The following HHAT variants were observed in gnomAD, a reference collection of about 807,000 sequenced individuals.
The protein encoded by HHAT is protein-cysteine N-palmitoyltransferase HHAT.
Under a neutral mutation model 70.8 loss-of-function variants are expected in HHAT, and 47 were observed. The ratio of observed to expected loss-of-function variants is 0.66; its 90% CI spans 0.53 to 0.85. The LOEUF (loss-of-function observed/expected upper bound fraction) is 0.85, where lower values mean the gene tolerates loss of function less well. HHAT is among the 40% of genes least tolerant of loss of function. The pLI, the probability that HHAT is intolerant of heterozygous loss-of-function variation, is 0.00. For missense variants in HHAT, 609 were observed against 604.8 expected, an observed-to-expected ratio of 1.01 and a Z score of -0.07; for synonymous variants, 228 against 247.6, an observed-to-expected ratio of 0.92 and a Z score of 0.74.
chr1:210,403,894 C>CG (rs1305797969), intron 5 of HHAT, among the ~76,000 whole-genome samples: 2 of 147,966 alleles, frequency 1.4e-5, no homozygotes, highest in Non-Finnish European at 3.0e-5. Flanking sequence ...TACACATCTA[C>CG]GTCCTGTATG....
Position 210,453,129 on chromosome 1 carries a change from T to C in HHAT, c.857-11376T>C, listed in dbSNP as rs550011740. On this transcript the variant is annotated intron_variant, in intron 7 of 11. Coordinates refer to ENST00000261458, the MANE Select transcript of HHAT (RefSeq NM_018194.6). ...CAACATAACAGTGAGAGGAAAGGGA[T>C]AAGACATTTGACGTCTGATCCTTGT... 3.3e-5 allele frequency among the ~76,000 whole-genome samples: 5 copies of C among 152,288 alleles called. No individual in the cohort carries two copies. In the South Asian group the frequency reaches 1.0e-3, roughly 32 times the overall value.
chr1:210,329,353 C>G, intron 1 of HHAT: 1 of 1,194,652 alleles, frequency 8.4e-7, no homozygotes, highest in Non-Finnish European at 1.0e-6. Flanking sequence ...CCGCGCACGG[C>G]CCTGCCCACG....
At chr1:210,381,213 A>G (rs1250941066) in intron 3 of HHAT, among the ~76,000 whole-genome samples, 2 of 152,060 alleles carry the variant, frequency 1.3e-5, no homozygotes, top group African/African-American at 2.4e-5. Flanking sequence ...GAAGCAGCAT[A>G]TACTAGATGC....
chr1:210,436,986 G>C (rs2093392369), intron 7 of HHAT, among the ~76,000 whole-genome samples: 2 of 151,874 alleles, frequency 1.3e-5, no homozygotes, highest in Non-Finnish European at 2.9e-5. Context: ...ACATCACAGA[G>C]TTTCAGGGAT....
At chr1:210,541,020 T>C (rs2095425321) in intron 9 of HHAT, among the ~76,000 whole-genome samples, 1 of 152,232 alleles carries the variant, frequency 6.6e-6, no homozygotes, top group African/African-American at 2.4e-5. Flanking sequence ...TTTTGTATTT[T>C]AGTAGAGACG....
At chr1:210,549,392 G>T (rs1423657125) in intron 9 of HHAT, among the ~76,000 whole-genome samples, 1 of 148,568 alleles carries the variant, frequency 6.7e-6, no homozygotes, top group South Asian at 2.2e-4. Flanking sequence ...GGTATTGTGG[G>T]GAGGTTTATA....
chr1:210,410,411 A>G (rs188260574), intron 6 of HHAT, among the ~76,000 whole-genome samples: 59 of 150,726 alleles, frequency 3.9e-4, no homozygotes, highest in African/African-American at 1.4e-3. Context: ...GGACTGTAAT[A>G]ATGATATGAC....
intron 10 of HHAT, among the ~76,000 whole-genome samples, chr1:210,597,888 A>G (rs535979340): frequency 3.3e-4 from 50 of 151,692 alleles, no homozygotes; most frequent in Non-Finnish European, 6.3e-4. Context: ...TCTTTTTTCA[A>G]GCAGAAGGAG....
intron 9 of HHAT, among the ~76,000 whole-genome samples, chr1:210,528,615 A>G (rs966074800): frequency 2.0e-4 from 30 of 152,270 alleles, no homozygotes; most frequent in South Asian, 2.1e-4. Context: ...TAGCAAATGC[A>G]TAGTATAGCC....
At chr1:210,548,145 C>A (rs191698981) in intron 9 of HHAT, among the ~76,000 whole-genome samples, 3 of 152,294 alleles carry the variant, frequency 2.0e-5, no homozygotes, top group African/African-American at 7.2e-5. Flanking sequence ...CATTTCTGTT[C>A]TGCTGTCAGT....
intron 8 of HHAT, among the ~76,000 whole-genome samples, chr1:210,498,362 G>T (rs1201004452): frequency 6.6e-6 from 1 of 152,094 alleles, no homozygotes; most frequent in African/African-American, 2.4e-5. Context: ...CTTGAATTAA[G>T]ATTGATTTTT....
At chr1:210,628,685 C>T (rs1670299936) in intron 11 of HHAT, among the ~76,000 whole-genome samples, 2 of 152,274 alleles carry the variant, frequency 1.3e-5, no homozygotes, top group Non-Finnish European at 2.9e-5. Context: ...CTTGCTATTT[C>T]TAGCTGAGAG....
At chr1:210,578,146 T>C (rs766377490) in intron 9 of HHAT, among the ~76,000 whole-genome samples, 1 of 152,202 alleles carries the variant, frequency 6.6e-6, no homozygotes, top group African/African-American at 2.4e-5. Flanking sequence ...TGTGAGGTTT[T>C]TAATTACTGA....
rs2086047675 is a variant in HHAT, at chr1:210,341,623, C to T, written c.-43-7310C>T. On this transcript the variant is annotated intron_variant, in intron 1 of 11. Coordinates refer to ENST00000261458, the MANE Select transcript of HHAT (RefSeq NM_018194.6). ...CTGAAAGGGACCTAAAAACTTAGCC[C>T]TCCTGAGAGGATCCGAGTAGATGGC... Among the ~76,000 whole-genome samples, 3 of 152,162 alleles carry T rather than the reference C, an allele frequency of 2.0e-5. No homozygotes were observed. The East Asian group carries it at 5.8e-4, about 29-fold the overall frequency.
intron 9 of HHAT, among the ~76,000 whole-genome samples, chr1:210,559,691 T>C (rs2148704945): frequency 6.6e-6 from 1 of 152,342 alleles, no homozygotes; most frequent in South Asian, 2.1e-4. Flanking sequence ...ATCTGGTCTC[T>C]GTGTGCTCAG....
rs368610594 is a variant in HHAT, at chr1:210,468,533, G to A, written c.1007+3878G>A. ...GGTGGCTGCTAGACCTTAATATATA[G>A]GAGTATCTTTAGGCTGAGAATGAGG... is the stretch of plus-strand genomic sequence containing the variant. On this transcript the variant is annotated intron_variant, in intron 8 of 11. Coordinates refer to ENST00000261458, the MANE Select transcript of HHAT (RefSeq NM_018194.6). 4.6e-5 allele frequency among the ~76,000 whole-genome samples: 7 copies of A among 152,286 alleles called. No homozygotes were observed. In the South Asian group the frequency reaches 8.3e-4, roughly 18 times the overall value.
chr1:210,357,358 C>T (rs1357199579), intron 2 of HHAT, among the ~76,000 whole-genome samples: 1 of 152,152 alleles, frequency 6.6e-6, no homozygotes, highest in Non-Finnish European at 1.5e-5. Context: ...GTGAGAGGTG[C>T]CTTCTCTATA....
intron 4 of HHAT, among the ~76,000 whole-genome samples, chr1:210,394,229 C>CTATT (rs2091637426): frequency 1.7e-5 from 2 of 116,288 alleles, no homozygotes; most frequent in Non-Finnish European, 3.6e-5. Flanking sequence ...CATGATCTAT[C>CTATT]TTTTTTTTTT....
intron 2 of HHAT, among the ~76,000 whole-genome samples, chr1:210,360,950 A>G (rs930018095): frequency 1.4e-5 from 2 of 147,698 alleles, no homozygotes; most frequent in African/African-American, 5.0e-5. Context: ...AGATTTCATT[A>G]TAATTCTCTT....
Sources: allele counts gnomAD v4.1 joint callset (sites outside exome capture counted in the v4.1 genomes callset), GRCh38; gene constraint gnomAD v4.1.1; transcripts MANE v1.5; gene names NCBI Gene and HGNC (gene_info 2026-07-23, HGNC 2026-07-21).